Variants in MALRD1 observed in about 807,000 individuals in gnomAD.
MALRD1 encodes MAM and LDL-receptor class A domain-containing protein 1.
A neutral mutation model predicts 242.1 loss-of-function variants in MALRD1; 247 were observed. The ratio of observed to expected loss-of-function variants is 1.02; its 90% CI spans 0.92 to 1.13. The LOEUF (loss-of-function observed/expected upper bound fraction) is 1.13, where lower values mean the gene tolerates loss of function less well. Ranked by LOEUF, MALRD1 falls within the 50% of genes most tolerant of loss-of-function variation. The pLI is 0.00. For missense variants in MALRD1, 2,989 were observed against 2,533.1 expected (o/e 1.18, Z -3.86); for synonymous variants, 995 against 866.6 (o/e 1.15, Z -2.60).
intron 28 of MALRD1, among the ~76,000 whole-genome samples, chr10:19,414,852 T>C (rs2130896856): frequency 6.6e-6 from 1 of 152,242 alleles, no homozygotes; most frequent in African/African-American, 2.4e-5. Flanking sequence ...ACTTTCTATA[T>C]AAATATAAAA....
intron 23 of MALRD1, among the ~76,000 whole-genome samples, chr10:19,329,356 T>C (rs1843265203): frequency 6.6e-6 from 1 of 152,148 alleles, no homozygotes; most frequent in Non-Finnish European, 1.5e-5. Flanking sequence ...ATATAAAATA[T>C]TTTTAGAAAT....
chr10:19,049,301 A>T (rs1397344282), intron 1 of MALRD1, among the ~76,000 whole-genome samples, 164 bp downstream of exon 1: 1 of 152,120 alleles, frequency 6.6e-6, no homozygotes, highest in East Asian at 1.9e-4. Context: ...TACTAAAGAG[A>T]TGAGTCCATA....
chr10:19,414,956 A>G (rs575609643), intron 28 of MALRD1, among the ~76,000 whole-genome samples: 1 of 152,322 alleles, frequency 6.6e-6, no homozygotes, highest in South Asian at 2.1e-4. Context: ...TTTCCATAAA[A>G]TCATCTGCAT....
At chr10:19,517,444 A>G (rs1301742688) in intron 31 of MALRD1, among the ~76,000 whole-genome samples, 6 of 152,236 alleles carry the variant, frequency 3.9e-5, no homozygotes, top group Non-Finnish European at 7.3e-5. Context: ...AGGACCTGTT[A>G]GTCCCATAGA....
intron 32 of MALRD1, among the ~76,000 whole-genome samples, chr10:19,563,259 ATTG>A (rs1195137919): frequency 5.9e-5 from 9 of 152,204 alleles, no homozygotes; most frequent in Non-Finnish European, 1.3e-4. Flanking sequence ...TATCAGTAGC[ATTG>A]TTGTTATGTC....
chr10:19,689,410 T>G (rs971623175), intron 36 of MALRD1, among the ~76,000 whole-genome samples: 2 of 152,190 alleles, frequency 1.3e-5, no homozygotes, highest in Non-Finnish European at 2.9e-5. Flanking sequence ...TTGTTATTAA[T>G]GTAATAAACA....
At position 19,636,762 on chromosome 10, in the gene MALRD1, G is replaced by A. The variant is rs192005609; in HGVS notation, c.6137+20839G>A. On this transcript the variant is annotated intron_variant, in intron 36 of 39. Transcript: ENST00000454679. Reference sequence around the variant, plus strand: ...AAAAATACAAAACTTAGCCAGGCGCGGTGGCATGTGCCTGTAATCCCAGCT... The same window carrying A: ...AAAAATACAAAACTTAGCCAGGCGCAGTGGCATGTGCCTGTAATCCCAGCT... 2.7e-3 allele frequency among the ~76,000 whole-genome samples: 405 copies of A among 151,978 alleles called. 2 individuals are homozygous for A. Among genetic ancestry groups the A allele is most frequent in the African/African-American group, 9.2e-3 (383 of 41,460 alleles).
In MALRD1 at chr10:19,387,753, A is replaced by C; in HGVS notation, c.4667A>C (p.His1556Pro). ...CAAAGCTTAAGACCTCCCAAAGACC[A>C]CACACTTGGAAATGAAAATGGTAGG... ...SHQSLRPPKD[H>P]TLGNENGHFM... Residue 1556 changes from histidine (H) to proline (P), a missense_variant, in exon 27 of 40, where the codon CAC becomes CCC. Transcript: ENST00000454679. 1.3e-6 allele frequency: 2 copies of C among 1,548,392 alleles called. No homozygotes were observed. The highest frequency in any genetic ancestry group is 8.7e-7 in the Non-Finnish European group (1 of 1,146,206).
chr10:19,115,408 C>T (rs1262318530), intron 5 of MALRD1, among the ~76,000 whole-genome samples: 1 of 151,714 alleles, frequency 6.6e-6, no homozygotes, highest in Non-Finnish European at 1.5e-5. Flanking sequence ...CACATATGTA[C>T]CCCGAAGTTA....
chr10:19,492,624 C>G (rs1033399621), intron 30 of MALRD1, among the ~76,000 whole-genome samples: 1 of 152,170 alleles, frequency 6.6e-6, no homozygotes, highest in Admixed American at 6.5e-5. Flanking sequence ...CCATTGTACA[C>G]AGGGCTGGCT....
chr10:19,449,640 G>A (rs1225745283), intron 28 of MALRD1, among the ~76,000 whole-genome samples: 2 of 152,052 alleles, frequency 1.3e-5, no homozygotes, highest in Non-Finnish European at 2.9e-5. Flanking sequence ...GCAATTTGGG[G>A]CATATATACA....
intron 38 of MALRD1, among the ~76,000 whole-genome samples, chr10:19,705,426 C>G (rs1263931271): frequency 6.6e-6 from 1 of 152,170 alleles, no homozygotes; most frequent in Admixed American, 6.5e-5. Flanking sequence ...AACCGTTACT[C>G]TCTCCACGTG....
chr10:19,204,780 A>C, intron 16 of MALRD1, 118 bp from the exon 17 acceptor site: 1 of 1,104,446 alleles, frequency 9.1e-7, no homozygotes, highest in South Asian at 1.7e-5. Context: ...TGCGGGAAAG[A>C]AAAGCGTCTT....
chr10:19,621,351 T>TAAAAAAAAAAAAAAAAAAAAAAAAA (rs56041015), intron 36 of MALRD1, among the ~76,000 whole-genome samples: 1 of 121,874 alleles, frequency 8.2e-6, no homozygotes, highest in African/African-American at 3.1e-5. Flanking sequence ...TAAAAATATG[T>TAAAAAAAAAAAAAAAAAAAAAAAAA]AAAAAAAAAA....
chr10:19,677,044 A>G (rs779146406), intron 36 of MALRD1, among the ~76,000 whole-genome samples: 13 of 151,054 alleles, frequency 8.6e-5, no homozygotes, highest in Admixed American at 7.2e-4. Flanking sequence ...TATGTACCAC[A>G]TTTTTTTTTC....
At chr10:19,622,891 A>G (rs973794199) in intron 36 of MALRD1, among the ~76,000 whole-genome samples, 4 of 152,044 alleles carry the variant, frequency 2.6e-5, no homozygotes, top group African/African-American at 7.2e-5. Flanking sequence ...AAAAGATGGC[A>G]TCTCAAATTT....
chr10:19,476,017 A>G, intron 29 of MALRD1, among the ~76,000 whole-genome samples: 1 of 152,212 alleles, frequency 6.6e-6, no homozygotes. Flanking sequence ...GGACCTAAAA[A>G]GAGCAATAAT....
At chr10:19,147,770 G>A (rs1297138465) in intron 11 of MALRD1, among the ~76,000 whole-genome samples, 1 of 152,180 alleles carries the variant, frequency 6.6e-6, no homozygotes, top group Admixed American at 6.5e-5. Flanking sequence ...CTTGTTGAAG[G>A]AGATGACTCC....
chr10:19,226,904 G>A (rs1837825116), intron 18 of MALRD1, among the ~76,000 whole-genome samples: 2 of 151,768 alleles, frequency 1.3e-5, no homozygotes, highest in African/African-American at 4.8e-5. Flanking sequence ...AATTATGTAA[G>A]CAATTTAACT....
Sources: gnomAD v4.1 joint callset for allele counts (sites outside exome capture counted in the v4.1 genomes callset) on GRCh38, gnomAD v4.1.1 for gene constraint, MANE v1.5 for transcripts, NCBI Gene and HGNC (gene_info 2026-07-23, HGNC 2026-07-21) for gene names.